Variants in ADARB1 observed in about 807,000 individuals in gnomAD.
ADARB1 encodes double-stranded RNA-specific editase 1.
ADARB1 carries 10 observed loss-of-function variants against 52.4 expected under a neutral mutation model. The observed-to-expected ratio is 0.19, with a 90% CI of 0.12 to 0.32. ADARB1 has a LOEUF of 0.32. ADARB1 is among the 10% of genes least tolerant of loss of function. The pLI is 1.00. For missense variants in ADARB1, 643 were observed against 922.3 expected, an observed-to-expected ratio of 0.70 and a Z score of 3.92; for synonymous variants, 349 against 371.1, an observed-to-expected ratio of 0.94 and a Z score of 0.68.
chr21:45,215,168 C>G (rs1248725512), intron 9 of ADARB1, among the ~76,000 whole-genome samples: 1 of 152,174 alleles, frequency 6.6e-6, no homozygotes, highest in East Asian at 1.9e-4. Context: ...CTGTCTCAGC[C>G]TCCTGAGTAG....
At chr21:45,121,265 C>T (rs944173111) in intron 1 of ADARB1, among the ~76,000 whole-genome samples, 1 of 152,214 alleles carries the variant, frequency 6.6e-6, no homozygotes, top group African/African-American at 2.4e-5. Context: ...TATTCTTTCT[C>T]TACAAGAGCA....
At chr21:45,083,845 T>A (rs1278073278) in intron 1 of ADARB1, among the ~76,000 whole-genome samples, 1 of 152,166 alleles carries the variant, frequency 6.6e-6, no homozygotes, top group Non-Finnish European at 1.5e-5. Flanking sequence ...GGGCTACAGG[T>A]GGATGCCACC....
In ADARB1 at chr21:45,093,520, G is replaced by A. The variant is rs539565192; in HGVS notation, c.-220+18727G>A. On this transcript the variant is annotated intron_variant, in intron 1 of 10. Coordinates refer to ENST00000348831, the MANE Select transcript of ADARB1 (RefSeq NM_001112.4). ...TCTCTGACTTGTGGGTTTTTCTGCC[G>A]CCTCTTGCGTTTCATGCTGTGACTC... Among the ~76,000 whole-genome samples the A allele has an allele frequency of 3.3e-5, 5 of 152,330 alleles. No individual in the cohort carries two copies. In the South Asian group the frequency reaches 6.2e-4, roughly 19 times the overall value.
chr21:45,084,238 T>C (rs2086255911), intron 1 of ADARB1, among the ~76,000 whole-genome samples: 1 of 152,268 alleles, frequency 6.6e-6, no homozygotes, highest in African/African-American at 2.4e-5. Flanking sequence ...ATTCATTCAG[T>C]TGTCCAATAA....
rs1250034298 is a variant in ADARB1, at chr21:45,224,602, T to C, written c.*2405T>C. The C allele has an allele frequency of 2.5e-4, 166 of 676,056 alleles. 1 individual carries two copies. In the African/African-American group the frequency reaches 9.6e-3, roughly 39 times the overall value. The allele number at this position is 676,056 out of a possible 1,614,324, so 41.9% of individuals were successfully genotyped here. A position where few individuals can be genotyped will look rare whatever the true frequency, so the allele number is the denominator to read the frequency against. On this transcript the variant is annotated 3_prime_UTR_variant, in exon 11 of 11. Transcript: ENST00000348831. Reference sequence around the variant, plus strand: ...GGGCAGGGGGCTACTGGGGGGCGGCTGTGAGGAGGAGTTGGGTTCAGGGAG... The same window carrying C: ...GGGCAGGGGGCTACTGGGGGGCGGCCGTGAGGAGGAGTTGGGTTCAGGGAG...
intron 8 of ADARB1, among the ~76,000 whole-genome samples, chr21:45,191,752 A>G (rs1409629599): frequency 6.6e-5 from 10 of 150,690 alleles, no homozygotes; most frequent in Admixed American, 5.9e-4. Context: ...CCAGGTTAAT[A>G]TAGCCTCATA....
At chr21:45,161,422 T>C (rs1248950998) in intron 2 of ADARB1, among the ~76,000 whole-genome samples, 1 of 152,234 alleles carries the variant, frequency 6.6e-6, no homozygotes, top group Non-Finnish European at 1.5e-5. Context: ...ATCAAAGTTG[T>C]GGCCGAGCTG....
intron 4 of ADARB1, among the ~76,000 whole-genome samples, chr21:45,178,660 C>T (rs1359524435): frequency 6.6e-6 from 1 of 152,156 alleles, no homozygotes; most frequent in Non-Finnish European, 1.5e-5. Context: ...TCTAGAGTAA[C>T]CCTTGAAGGA....
At position 45,222,642 on chromosome 21, in the gene ADARB1, T is replaced by C. The variant is rs1334921172; in HGVS notation, c.*445T>C. 1.0e-6 allele frequency: 1 copy of C among 991,112 alleles called. No homozygotes were observed. Among genetic ancestry groups the C allele is most frequent in the Non-Finnish European group, 1.2e-6 (1 of 833,952 alleles). 61.4% of individuals were successfully genotyped at this position (991,112 alleles called of 1,614,324 possible). Reference sequence around the variant, plus strand: ...GTGTCAGGTCACTTTTATGCCACATTATTTTAATTGCAAAAAAGCATCTAT... The same window carrying C: ...GTGTCAGGTCACTTTTATGCCACATCATTTTAATTGCAAAAAAGCATCTAT... On this transcript the variant is annotated 3_prime_UTR_variant, in exon 11 of 11. Transcript: ENST00000348831.
rs1021262524 is a variant in ADARB1, at chr21:45,118,218, C to T, written c.-219-10184C>T. Among the ~76,000 whole-genome samples, 11 of 152,164 alleles carry T rather than the reference C, an allele frequency of 7.2e-5. No homozygotes were observed. In the East Asian group the frequency reaches 9.6e-4, roughly 13 times the overall value. ...AACTCCCAGTTTCTCTTTAGGTGTC[C>T]GCTGTTTCTAGCTGCCTCAGTTGCC... On this transcript the variant is annotated intron_variant, in intron 1 of 10. Coordinates refer to ENST00000348831, the MANE Select transcript of ADARB1 (RefSeq NM_001112.4).
At chr21:45,191,811 C>T (rs545884909) in intron 8 of ADARB1, among the ~76,000 whole-genome samples, 2 of 143,438 alleles carry the variant, frequency 1.4e-5, no homozygotes, top group Non-Finnish European at 3.0e-5. Flanking sequence ...TTCTGTGAGA[C>T]AGCAGTGTAT....
intron 8 of ADARB1, among the ~76,000 whole-genome samples, 159 bp downstream of exon 8, chr21:45,185,250 TGCTGGG>T (rs2092063100): frequency 1.3e-5 from 2 of 152,254 alleles, no homozygotes; most frequent in Non-Finnish European, 2.9e-5. Context: ...AAACAGGTGC[TGCTGGG>T]ACCCCCGTGA....
intron 2 of ADARB1, among the ~76,000 whole-genome samples, chr21:45,135,065 A>C (rs749320672): frequency 2.0e-5 from 3 of 152,212 alleles, no homozygotes; most frequent in Non-Finnish European, 4.4e-5. Flanking sequence ...AAAAGGAAGA[A>C]TCTGCAACAG....
At position 45,224,419 on chromosome 21, in the gene ADARB1, A is replaced by T. The variant is rs1381095423; in HGVS notation, c.*2222A>T. On this transcript the variant is annotated 3_prime_UTR_variant, in exon 11 of 11. Transcript: ENST00000348831. The stretch of plus-strand genomic sequence containing the variant: ...GGTGGACTCGTGCGGCCTTGAGGAC[A>T]GGCACAGGGCACCCTATCCCAAGCC... 1.1e-6 allele frequency: 1 copy of T among 911,148 alleles called. No homozygotes were observed. The highest frequency in any genetic ancestry group is 1.2e-6 in the Non-Finnish European group (1 of 802,974). 56.4% of individuals were successfully genotyped at this position (911,148 alleles called of 1,614,324 possible).
chr21:45,173,304 G>A (rs2091563404), intron 3 of ADARB1, among the ~76,000 whole-genome samples: 1 of 152,210 alleles, frequency 6.6e-6, no homozygotes, highest in South Asian at 2.1e-4. Context: ...TTTATGAAGT[G>A]TAGTAGCATG....
chr21:45,210,368 G>A (rs1327587356), intron 9 of ADARB1, among the ~76,000 whole-genome samples: 2 of 152,172 alleles, frequency 1.3e-5, no homozygotes, highest in African/African-American at 2.4e-5. Flanking sequence ...TGATCTCCAG[G>A]TGTCTTCTAA....
chr21:45,125,544 G>A (rs1022465777), intron 1 of ADARB1, among the ~76,000 whole-genome samples: 3 of 152,248 alleles, frequency 2.0e-5, no homozygotes, highest in African/African-American at 2.4e-5. Context: ...GTCTGGACCT[G>A]GCAGTACCAC....
Position 45,222,540 on chromosome 21 carries a change from A to C in ADARB1, c.*343A>C, listed in dbSNP as rs2092985226. The C allele has an allele frequency of 9.2e-7, 1 of 1,084,890 alleles. No individual in the cohort carries two copies. Among genetic ancestry groups the C allele is most frequent in the African/African-American group, 1.6e-5 (1 of 60,948 alleles). The allele number at this position is 1,084,890 out of a possible 1,614,324, so 67.2% of individuals were successfully genotyped here. A position where few individuals can be genotyped will look rare whatever the true frequency, so the allele number is the denominator to read the frequency against. The stretch of plus-strand genomic sequence containing the variant: ...GGCTTCCTTAAGTTTAGGAAAATAG[A>C]AATTACTTTGTGTGAAATTCTTGAA... On this transcript the variant is annotated 3_prime_UTR_variant, in exon 11 of 11. Transcript: ENST00000348831.
chr21:45,219,429 C>T (rs562589702), intron 9 of ADARB1, among the ~76,000 whole-genome samples: 3 of 152,232 alleles, frequency 2.0e-5, no homozygotes, highest in East Asian at 3.9e-4. Flanking sequence ...GAGGCAGAGG[C>T]AGGAGAATCG....
Sources: gnomAD v4.1 joint callset for allele counts (sites outside exome capture counted in the v4.1 genomes callset) on GRCh38, gnomAD v4.1.1 for gene constraint, MANE v1.5 for transcripts, NCBI Gene and HGNC (gene_info 2026-07-23, HGNC 2026-07-21) for gene names.